The following GAS7 variants were observed in gnomAD, a reference collection of about 807,000 sequenced individuals.
The protein encoded by GAS7 is growth arrest-specific protein 7.
Under a neutral mutation model 71.1 loss-of-function variants are expected in GAS7, and 28 were observed. The observed-to-expected ratio is 0.39, with a 90% confidence interval of 0.29 to 0.54. GAS7 has a LOEUF of 0.54. Among genes scored for constraint, GAS7 ranks in the 20% least tolerant of loss-of-function variants. The pLI is 0.62. For missense variants in GAS7, 436 were observed against 627.8 expected, an observed-to-expected ratio of 0.69 and a Z score of 3.27; for synonymous variants, 258 against 245.8, an observed-to-expected ratio of 1.05 and a Z score of -0.46.
At chr17:10,118,786 C>A (rs536617887) in intron 1 of GAS7, among the ~76,000 whole-genome samples, 1 of 151,432 alleles carries the variant, frequency 6.6e-6, no homozygotes, top group Non-Finnish European at 1.5e-5. Flanking sequence ...CCCCCGGGGC[C>A]CAGTTAACCA....
chr17:9,996,249 G>T (rs889471663), intron 2 of GAS7, among the ~76,000 whole-genome samples: 1 of 152,068 alleles, frequency 6.6e-6, no homozygotes, highest in African/African-American at 2.4e-5. Flanking sequence ...CCATAAAAAA[G>T]GATGAGTTCA....
At chr17:10,144,232 T>C (rs1346744919) in intron 1 of GAS7, among the ~76,000 whole-genome samples, 1 of 152,228 alleles carries the variant, frequency 6.6e-6, no homozygotes, top group Admixed American at 6.5e-5. Flanking sequence ...TGTGCCCACC[T>C]GCTAGTTTTA....
intron 1 of GAS7, among the ~76,000 whole-genome samples, chr17:10,029,903 C>T (rs1299330628): frequency 6.6e-6 from 1 of 151,838 alleles, no homozygotes; most frequent in African/African-American, 2.4e-5. Context: ...TAGAAGAGAT[C>T]AAGAGGCAGG....
intron 2 of GAS7, among the ~76,000 whole-genome samples, chr17:10,018,594 T>C (rs571822497): frequency 6.6e-6 from 1 of 152,314 alleles, no homozygotes; most frequent in South Asian, 2.1e-4. Flanking sequence ...TCCCTTTTCC[T>C]AGAAACTTCA....
At chr17:10,029,590 A>C (rs75953648) in intron 1 of GAS7, among the ~76,000 whole-genome samples, 7,590 of 152,276 alleles carry the variant, frequency 0.05, 263 homozygotes, top group Non-Finnish European at 0.073. Flanking sequence ...GCGGTGCCTC[A>C]TGCCTATAAT....
At chr17:9,928,237 C>G (rs1180524169) in intron 9 of GAS7, among the ~76,000 whole-genome samples, 5 of 151,584 alleles carry the variant, frequency 3.3e-5, no homozygotes, top group African/African-American at 1.2e-4. Context: ...CTCAGCCTCC[C>G]GAGTAGCTGG....
At chr17:10,065,270 C>CCACAATA (rs2073269542) in intron 1 of GAS7, among the ~76,000 whole-genome samples, 1 of 152,238 alleles carries the variant, frequency 6.6e-6, no homozygotes, top group Non-Finnish European at 1.5e-5. Flanking sequence ...GGGTAAGCTT[C>CCACAATA]TCTTCCAAAG....
In GAS7 at chr17:9,959,832, T is replaced by TTA. The variant is rs10654307; in HGVS notation, c.472-579_472-578dup. ...CCGACTTCCAGCTTCCACTCAGTCTTTATATTGCCTTTTGATGTCTTCCAC... is the reference window on the plus strand; with the variant it reads ...CCGACTTCCAGCTTCCACTCAGTCTTTATATATTGCCTTTTGATGTCTTCCAC... On this transcript the variant is annotated intron_variant, in intron 4 of 13. Transcript: ENST00000432992. The surrounding 1 kb of genome is among the most constrained non-coding windows in gnomAD (Gnocchi z 5.0). Among the ~76,000 whole-genome samples, 13,387 of 152,038 alleles carry TTA rather than the reference T, an allele frequency of 0.088. 1,310 individuals are homozygous for TTA. Among genetic ancestry groups the TTA allele is most frequent in the African/African-American group, 0.24 (9,742 of 41,406 alleles).
At chr17:9,946,849 CG>C (rs1280476995) in intron 6 of GAS7, 44 bp downstream of exon 6, 17 of 1,319,822 alleles carry the variant, frequency 1.3e-5, no homozygotes, top group Non-Finnish European at 1.7e-5. Context: ...TGTCCACTCC[CG>C]GTCACCGGGG....
chr17:9,962,028 C>G (rs1026084050), intron 4 of GAS7, among the ~76,000 whole-genome samples: 1 of 152,182 alleles, frequency 6.6e-6, no homozygotes, highest in Non-Finnish European at 1.5e-5. Flanking sequence ...CTCCTTATAA[C>G]TTGGCTAGGA....
rs1164151104 is a variant in GAS7 at position 10,167,044 on chromosome 17, C to CTTTTTTTTTTTTTTTTTTTTTTTTT, written c.183+31139_183+31163dup. Among the ~76,000 whole-genome samples the CTTTTTTTTTTTTTTTTTTTTTTTTT allele has an allele frequency of 3.4e-5, 2 of 58,804 alleles. 1 individual carries two copies. The highest frequency in any genetic ancestry group is 5.9e-5 in the Non-Finnish European group (2 of 34,068). 38.6% of individuals were successfully genotyped at this position (58,804 alleles called of 152,430 possible). ...AAACCAATCTACTATTTCCATTTGT[C>CTTTTTTTTTTTTTTTTTTTTTTTTT]TTTTTTTTTTTTTTTTTTTTTTTTT... On this transcript the variant is annotated intron_variant, in intron 1 of 13. Transcript: ENST00000432992.
In GAS7 at chr17:10,112,225, C is replaced by T. The variant is rs542228985; in HGVS notation, c.183+85983G>A. On this transcript the variant is annotated intron_variant, in intron 1 of 13. Transcript: ENST00000432992. The stretch of plus-strand genomic sequence containing the variant: ...TCCAATTCCACCGTGGATGCATCCT[C>T]GAGCACGTGACCGAAGACACACAGC... 6.6e-5 allele frequency among the ~76,000 whole-genome samples: 10 copies of T among 152,330 alleles called. No individual in the cohort carries two copies. The South Asian group carries it at 2.1e-3, about 32-fold the overall frequency.
chr17:10,051,871 T>C (rs1317560143), intron 1 of GAS7, among the ~76,000 whole-genome samples: 1 of 152,184 alleles, frequency 6.6e-6, no homozygotes, highest in Non-Finnish European at 1.5e-5. Flanking sequence ...TTCCCCAGCA[T>C]TGGATATCCC....
rs998268953 is a variant in GAS7 at position 9,959,447 on chromosome 17, G to A, written c.472-192C>T. The A allele has an allele frequency of 2.2e-5, 32 of 1,433,820 alleles. No homozygotes were observed. The highest frequency in any genetic ancestry group is 4.1e-4 in the Middle Eastern group (2 of 4,892). The allele number at this position is 1,433,820 out of a possible 1,614,324, so 88.8% of individuals were successfully genotyped here. A position where few individuals can be genotyped will look rare whatever the true frequency, so the allele number is the denominator to read the frequency against. On this transcript the variant is annotated intron_variant, in intron 4 of 13. Transcript: ENST00000432992. The surrounding 1 kb of genome is among the most constrained non-coding windows in gnomAD (Gnocchi z 5.0). ...CACGCTGTTCCCACGCCCAGCTCTC[G>A]GGCTGAAGGCGAATTAAGGAAGCCT... is the stretch of plus-strand genomic sequence containing the variant.
At chr17:10,096,701 G>C (rs2073644766) in intron 1 of GAS7, among the ~76,000 whole-genome samples, 1 of 152,254 alleles carries the variant, frequency 6.6e-6, no homozygotes, top group South Asian at 2.1e-4. Context: ...TATGGAAAAG[G>C]AGCTGTCTTT....
chr17:10,002,679 C>T (rs974101960), intron 2 of GAS7, among the ~76,000 whole-genome samples: 11 of 152,128 alleles, frequency 7.2e-5, no homozygotes, highest in Admixed American at 2.6e-4. Flanking sequence ...TCTGTCCTTG[C>T]GATAGTTTGC....
chr17:10,131,257 G>C (rs2073994805), intron 1 of GAS7, among the ~76,000 whole-genome samples: 2 of 152,190 alleles, frequency 1.3e-5, no homozygotes, highest in African/African-American at 4.8e-5. Flanking sequence ...TAAACTTTAA[G>C]TTTCTGAACA....
intron 1 of GAS7, among the ~76,000 whole-genome samples, chr17:10,167,488 G>C (rs1178157031): frequency 6.6e-6 from 1 of 152,194 alleles, no homozygotes; most frequent in Non-Finnish European, 1.5e-5. Flanking sequence ...TGGGCTGTAA[G>C]GGCCGGTTAC....
At chr17:9,921,089 C>A (rs558208045) in intron 11 of GAS7, among the ~76,000 whole-genome samples, 1 of 152,122 alleles carries the variant, frequency 6.6e-6, no homozygotes, top group Admixed American at 6.5e-5. Context: ...ATGACTGGAC[C>A]CTTGATCCCA....
Sources: gnomAD v4.1 joint callset for allele counts (sites outside exome capture counted in the v4.1 genomes callset) on GRCh38, gnomAD v4.1.1 for gene constraint, Gnocchi (gnomAD v3.1) non-coding constraint, MANE v1.5 for transcripts, NCBI Gene and HGNC (gene_info 2026-07-23, HGNC 2026-07-21) for gene names.